NKAIN2: variants seen among roughly 807,000 people sequenced by gnomAD.
NKAIN2 encodes sodium/potassium transporting ATPase interacting 2, also known as sodium/potassium-transporting ATPase subunit beta-1-interacting protein 2.
A neutral mutation model predicts 32.6 loss-of-function variants in NKAIN2; 14 were observed. The ratio of observed to expected loss-of-function variants is 0.43; its 90% CI spans 0.28 to 0.67. The LOEUF is 0.67. NKAIN2 is among the 30% of genes least tolerant of loss of function. The pLI is 0.17. For missense variants in NKAIN2, 198 were observed against 258.3 expected, an observed-to-expected ratio of 0.77 and a Z score of 1.60; for synonymous variants, 80 against 87.2, an observed-to-expected ratio of 0.92 and a Z score of 0.46.
At chr6:123,872,870 C>A (rs1772967850) in intron 1 of NKAIN2, among the ~76,000 whole-genome samples, 1 of 152,118 alleles carries the variant, frequency 6.6e-6, no homozygotes, top group Non-Finnish European at 1.5e-5. Flanking sequence ...TTTTAGCTCT[C>A]CAGGAAATTA....
intron 4 of NKAIN2, among the ~76,000 whole-genome samples, chr6:124,760,651 A>T (rs1252370956): frequency 1.3e-5 from 2 of 151,962 alleles, no homozygotes; most frequent in Non-Finnish European, 2.9e-5. Context: ...GCAGTTAATA[A>T]GTGTCCCTTT....
chr6:124,726,693 C>T (rs1422415856), intron 4 of NKAIN2, among the ~76,000 whole-genome samples: 1 of 144,654 alleles, frequency 6.9e-6, no homozygotes, highest in African/African-American at 2.6e-5. Flanking sequence ...AGCAATGGAA[C>T]AAAGCTGGAT....
rs117000222 is a variant in NKAIN2 at position 124,054,217 on chromosome 6, G to C, written c.55-228788G>C. ...TCTTTCATTTTACATTACCTCTTTAGTAAGTTACCAAGAGAACAAAGGTGG... is the reference window on the plus strand; with the variant it reads ...TCTTTCATTTTACATTACCTCTTTACTAAGTTACCAAGAGAACAAAGGTGG... On this transcript the variant is annotated intron_variant, in intron 1 of 6. Transcript: ENST00000368417. Among the ~76,000 whole-genome samples, 28 of 152,118 alleles carry C rather than the reference G, an allele frequency of 1.8e-4. No homozygotes were observed. In the East Asian group the frequency reaches 5.2e-3, roughly 28 times the overall value.
chr6:124,791,227 G>A, intron 4 of NKAIN2, 112 bp from the exon 5 acceptor site: 1 of 658,834 alleles, frequency 1.5e-6, no homozygotes, highest in Non-Finnish European at 2.8e-6. Context: ...AGCCATGTTG[G>A]TTGGAGCCCT....
chr6:124,305,301 C>CGGA (rs1189142885), intron 2 of NKAIN2, among the ~76,000 whole-genome samples: 2 of 152,088 alleles, frequency 1.3e-5, no homozygotes, highest in African/African-American at 4.8e-5. Flanking sequence ...GAGGCCACCT[C>CGGA]GGAGGCAATC....
At chr6:124,701,493 A>G (rs1191401287) in intron 4 of NKAIN2, among the ~76,000 whole-genome samples, 1 of 152,142 alleles carries the variant, frequency 6.6e-6, no homozygotes, top group Non-Finnish European at 1.5e-5. Flanking sequence ...TAAAAATTAA[A>G]CAATACAAAC....
intron 1 of NKAIN2, among the ~76,000 whole-genome samples, chr6:124,277,894 G>A (rs1795111304): frequency 6.6e-6 from 1 of 151,310 alleles, no homozygotes; most frequent in African/African-American, 2.4e-5. Flanking sequence ...AAAAAACTCT[G>A]TTTCATCATC....
chr6:124,205,675 G>A (rs1485758626), intron 1 of NKAIN2, among the ~76,000 whole-genome samples: 1 of 151,132 alleles, frequency 6.6e-6, no homozygotes, highest in Non-Finnish European at 1.5e-5. Flanking sequence ...CACATTTACA[G>A]AGGATACTTT....
intron 1 of NKAIN2, among the ~76,000 whole-genome samples, chr6:124,047,575 G>C (rs939836653): frequency 3.3e-5 from 5 of 151,962 alleles, no homozygotes; most frequent in Non-Finnish European, 7.4e-5. Context: ...CCGGCTATTA[G>C]GCTGTGCCTT....
At chr6:123,834,796 T>G (rs1412615660) in intron 1 of NKAIN2, among the ~76,000 whole-genome samples, 1 of 152,180 alleles carries the variant, frequency 6.6e-6, no homozygotes, top group African/African-American at 2.4e-5. Flanking sequence ...TTTTGTCAGA[T>G]GCTTTTTTTT....
chr6:123,858,838 C>G (rs1410146907), intron 1 of NKAIN2, among the ~76,000 whole-genome samples: 3 of 152,188 alleles, frequency 2.0e-5, no homozygotes, highest in African/African-American at 4.8e-5. Context: ...TAATTGAGAC[C>G]AGTCCTGGGT....
chr6:123,805,153 A>G (rs1773163328), intron 1 of NKAIN2, among the ~76,000 whole-genome samples: 1 of 152,338 alleles, frequency 6.6e-6, no homozygotes, highest in African/African-American at 2.4e-5. Flanking sequence ...TAAGTGGTTA[A>G]TTTGAGGTAG....
chr6:123,807,753 G>T (rs1338231110), intron 1 of NKAIN2, among the ~76,000 whole-genome samples: 1 of 152,022 alleles, frequency 6.6e-6, no homozygotes, highest in East Asian at 1.9e-4. Flanking sequence ...TTAGACTTCT[G>T]GGTGGCACAA....
At chr6:124,055,881 T>G (rs1300307388) in intron 1 of NKAIN2, among the ~76,000 whole-genome samples, 2 of 152,106 alleles carry the variant, frequency 1.3e-5, no homozygotes, top group Non-Finnish European at 2.9e-5. Context: ...CACCTTAAAC[T>G]ACATGACCAG....
At chr6:124,801,495 G>A (rs1338201668) in intron 5 of NKAIN2, among the ~76,000 whole-genome samples, 1 of 152,090 alleles carries the variant, frequency 6.6e-6, no homozygotes, top group Admixed American at 6.6e-5. Flanking sequence ...GTCAAGATTC[G>A]AAGTATACTT....
chr6:124,031,377 T>A (rs1275506392), intron 1 of NKAIN2, among the ~76,000 whole-genome samples: 1 of 152,122 alleles, frequency 6.6e-6, no homozygotes. Context: ...ATTCATTGAG[T>A]TTTTGAAGGG....
At chr6:123,955,699 C>T (rs1475535138) in intron 1 of NKAIN2, among the ~76,000 whole-genome samples, 1 of 151,466 alleles carries the variant, frequency 6.6e-6, no homozygotes, top group African/African-American at 2.4e-5. Flanking sequence ...AATCATAGCT[C>T]AATGCAACCT....
intron 4 of NKAIN2, among the ~76,000 whole-genome samples, chr6:124,696,700 A>G (rs1449508378): frequency 6.6e-6 from 1 of 152,144 alleles, no homozygotes; most frequent in Non-Finnish European, 1.5e-5. Flanking sequence ...CTTCTTGAGA[A>G]TCAAACCCAA....
At chr6:124,759,656 C>CACACACACACACA (rs879444854) in intron 4 of NKAIN2, among the ~76,000 whole-genome samples, 37 of 66,406 alleles carry the variant, frequency 5.6e-4, no homozygotes, top group East Asian at 2.6e-3. Flanking sequence ...CACACACACA[C>CACACACACACACA]CCCCTATCTC....
Sources: allele counts gnomAD v4.1 joint callset (sites outside exome capture counted in the v4.1 genomes callset), GRCh38; gene constraint gnomAD v4.1.1; transcripts MANE v1.5; gene names NCBI Gene and HGNC (gene_info 2026-07-23, HGNC 2026-07-21).